The following RPS6KA1 variants were observed in gnomAD, a reference collection of about 807,000 sequenced individuals.
RPS6KA1 encodes ribosomal protein S6 kinase A1, also known as ribosomal protein S6 kinase alpha-1.
RPS6KA1 carries 48 observed loss-of-function variants against 91.3 expected under a neutral mutation model. The observed-to-expected ratio is 0.53, with a 90% CI of 0.42 to 0.67. The LOEUF is 0.67. RPS6KA1 is among the 30% of genes least tolerant of loss of function. The pLI, the probability that RPS6KA1 is intolerant of heterozygous loss-of-function variation, is 0.00. For synonymous variants in RPS6KA1, 359 were observed against 384.7 expected (o/e 0.93, Z 0.78); for missense variants, 719 against 960.5 (o/e 0.75, Z 3.32).
chr1:26,556,277 A>G (rs934186527), intron 11 of RPS6KA1: 7 of 275,302 alleles, frequency 2.5e-5, no homozygotes, highest in Admixed American at 4.7e-5. Context: ...AGCCTGTCCT[A>G]TGGTTGAAAA....
chr1:26,538,923 T>C (rs2075926272), intron 2 of RPS6KA1, among the ~76,000 whole-genome samples: 1 of 152,188 alleles, frequency 6.6e-6, no homozygotes. Flanking sequence ...CTTTGTGCAG[T>C]GGAATGAGCT....
intron 1 of RPS6KA1, among the ~76,000 whole-genome samples, chr1:26,534,068 G>A (rs555213181): frequency 6.6e-6 from 1 of 152,274 alleles, no homozygotes; most frequent in South Asian, 2.1e-4. Context: ...CCAGGCCACT[G>A]CTCAAGAAAC....
rs1329771254 is a variant in RPS6KA1, at chr1:26,551,794, C to T, written c.468+71C>T. The T allele has an allele frequency of 7.5e-7, 1 of 1,336,806 alleles. No individual in the cohort carries two copies. 82.8% of individuals were successfully genotyped at this position (1,336,806 alleles called of 1,614,324 possible). A position where few individuals can be genotyped will look rare whatever the true frequency, so the allele number is the denominator to read the frequency against. ...GACGACAAGTCCTCCCATCCCAGGG[C>T]CCTGTACAGAATGTGTTTGGTATGG... On this transcript the variant is annotated intron_variant, in intron 6 of 21. Coordinates refer to ENST00000374168, the MANE Select transcript of RPS6KA1 (RefSeq NM_002953.4). This position sits in a 1 kb window ranked among gnomAD's most constrained non-coding sequence, Gnocchi z 4.5.
intron 2 of RPS6KA1, among the ~76,000 whole-genome samples, chr1:26,537,835 A>G (rs2075917520): frequency 6.6e-6 from 1 of 152,198 alleles, no homozygotes; most frequent in Non-Finnish European, 1.5e-5. Context: ...CCTGAGCTGT[A>G]AGTTGGGGAA....
Position 26,574,563 on chromosome 1 carries a change from T to C in RPS6KA1, c.*362T>C. The C allele has an allele frequency of 2.3e-6, 1 of 427,842 alleles. No individual in the cohort carries two copies. Among genetic ancestry groups the C allele is most frequent in the South Asian group, 1.8e-5 (1 of 56,702 alleles). 26.5% of individuals were successfully genotyped at this position (427,842 alleles called of 1,614,324 possible). A position where few individuals can be genotyped will look rare whatever the true frequency, so the allele number is the denominator to read the frequency against. ...CACGCTGGGGCTCTCTGAGACTCTT[T>C]AGAGCAGCTTTGGGATCCCACCCTG... is the stretch of plus-strand genomic sequence containing the variant. On this transcript the variant is annotated 3_prime_UTR_variant, in exon 22 of 22. Coordinates refer to ENST00000374168, the MANE Select transcript of RPS6KA1 (RefSeq NM_002953.4). The surrounding 1 kb of genome is among the most constrained non-coding windows in gnomAD (Gnocchi z 4.3).
chr1:26,547,801 G>C lies in RPS6KA1; in HGVS notation c.307+531G>C, dbSNP rs2076008685. On this transcript the variant is annotated intron_variant, in intron 4 of 21. Coordinates refer to ENST00000374168, the MANE Select transcript of RPS6KA1 (RefSeq NM_002953.4). This position sits in a 1 kb window ranked among gnomAD's most constrained non-coding sequence, Gnocchi z 4.1. ...GTGAAGATGGTTGGTAGTGGGCTTT[G>C]GGTTGGATACTGACCACTTGGCCTG... 6.6e-6 allele frequency among the ~76,000 whole-genome samples: 1 copy of C among 152,206 alleles called. No homozygotes were observed. The highest frequency in any genetic ancestry group is 2.1e-4 in the South Asian group (1 of 4,830).
rs527765515 is a variant in RPS6KA1 at position 26,551,654 on chromosome 1, C to T, written c.399C>T (p.Thr133=). 6.8e-5 allele frequency: 109 copies of T among 1,614,098 alleles called. No individual in the cohort carries two copies. Among genetic ancestry groups the T allele is most frequent in the Non-Finnish European group, 8.5e-5 (100 of 1,179,960 alleles). The change falls in exon 6 of 22, where the codon ACC becomes ACT. Residue 133 remains threonine (T), a synonymous_variant. Transcript: ENST00000374168. The surrounding 1 kb of genome is among the most constrained non-coding windows in gnomAD (Gnocchi z 4.5). Reference sequence around the variant, plus strand: ...TCTCCCTCTTCCCAGCCTTCCAGACCGAGGGCAAGCTCTATCTCATTCTGG... The same window carrying T: ...TCTCCCTCTTCCCAGCCTTCCAGACTGAGGGCAAGCTCTATCTCATTCTGG... The part of the protein sequence containing the change: ...FVVKLHYAFQ[T]EGKLYLILDF...
Position 26,557,015 on chromosome 1 carries a change from G to T in RPS6KA1, c.999G>T (p.Glu333Asp). 1 of 1,614,128 alleles carries T rather than the reference G, an allele frequency of 6.2e-7. No individual in the cohort carries two copies. Residue 333 changes from glutamate (E) to aspartate (D), a missense_variant, in exon 13 of 22, where the codon GAG becomes GAT. Glu to Asp is a conservative substitution (Grantham distance 45). Around this residue, in one of 5 missense-constraint regions of RPS6KA1, gnomAD observed 228 missense variants for 247.6 expected, o/e 0.92. Coordinates refer to ENST00000374168, the MANE Select transcript of RPS6KA1 (RefSeq NM_002953.4). ...CTGTGCAGAAGCTATACCGTCGTGA[G>T]ATCAAGCCACCCTTCAAGCCAGCAG... ...TIDWNKLYRREIKPPFKPAVA... is the reference protein window; with the variant it reads ...TIDWNKLYRRDIKPPFKPAVA...
intron 1 of RPS6KA1, among the ~76,000 whole-genome samples, chr1:26,533,678 C>T (rs1195015560): frequency 6.6e-6 from 1 of 152,074 alleles, no homozygotes. Context: ...TGCACTCCAG[C>T]CTGGGCAAAA....
In RPS6KA1 at chr1:26,558,650, T is replaced by C. The variant is rs1325210329; in HGVS notation, c.1085-157T>C. 6.6e-6 allele frequency among the ~76,000 whole-genome samples: 1 copy of C among 152,222 alleles called. No individual in the cohort carries two copies. Among genetic ancestry groups the C allele is most frequent in the Non-Finnish European group, 1.5e-5 (1 of 68,026 alleles). ...TGGTCTAATAAACACATATGAGCAG[T>C]TGGGCCAAGGCCTGTGATGGACAGG... On this transcript the variant is annotated intron_variant, in intron 13 of 21. Transcript: ENST00000374168. The surrounding 1 kb of genome is among the most constrained non-coding windows in gnomAD (Gnocchi z 4.0).
chr1:26,544,651 T>C (rs2075976586), intron 2 of RPS6KA1, among the ~76,000 whole-genome samples: 1 of 152,144 alleles, frequency 6.6e-6, no homozygotes. Flanking sequence ...ATTTTTTGTA[T>C]TTTTAGTAGA....
intron 4 of RPS6KA1, among the ~76,000 whole-genome samples, chr1:26,550,435 G>C (rs1398347118): frequency 6.6e-6 from 1 of 151,674 alleles, no homozygotes; most frequent in Non-Finnish European, 1.5e-5. Flanking sequence ...GCCTGCCTCG[G>C]CCTCCCAAAG....
chr1:26,556,705 C>A lies in RPS6KA1; in HGVS notation c.968C>A (p.Thr323Asn), dbSNP rs2076104758. The A allele has an allele frequency of 4.3e-6, 7 of 1,614,196 alleles. No homozygotes were observed. Among genetic ancestry groups the A allele is most frequent in the Non-Finnish European group, 5.9e-6 (7 of 1,180,032 alleles). The change falls in exon 12 of 22, where the codon ACC (threonine) becomes AAC (asparagine). Residue 323 changes from threonine (T) to asparagine (N), a missense_variant. Thr to Asn is a moderately conservative substitution (Grantham distance 65). Coordinates refer to ENST00000374168, the MANE Select transcript of RPS6KA1 (RefSeq NM_002953.4). ...EEIKRHVFYS[T>N]IDWNKLYRRE... ...ATCAAGCGGCATGTCTTCTACTCCA[C>A]CATTGACTGGAATGTGAGTGTGTCC... is the stretch of plus-strand genomic sequence containing the variant.
In RPS6KA1 at chr1:26,574,930, C is replaced by T. The variant is rs376910879; in HGVS notation, c.*729C>T. On this transcript the variant is annotated 3_prime_UTR_variant, in exon 22 of 22. Coordinates refer to ENST00000374168, the MANE Select transcript of RPS6KA1 (RefSeq NM_002953.4). The surrounding 1 kb of genome is among the most constrained non-coding windows in gnomAD (Gnocchi z 4.3). Reference sequence around the variant, plus strand: ...ACAGAGTTCACAGGAGGCCAGTGGGCGGGCCATGAGGGACAGGGTCTTTTT... The same window carrying T: ...ACAGAGTTCACAGGAGGCCAGTGGGTGGGCCATGAGGGACAGGGTCTTTTT... 7.0e-4 allele frequency: 121 copies of T among 172,330 alleles called. 2 individuals carry two copies. In the South Asian group the frequency reaches 0.015, roughly 21 times the overall value. The allele number at this position is 172,330 out of a possible 1,614,324, so 10.7% of individuals were successfully genotyped here.
rs1282843446 is a variant in RPS6KA1 at position 26,574,180 on chromosome 1, G to A, written c.2187G>A (p.Lys729=). Residue 729 remains lysine, a synonymous_variant, in exon 22 of 22, where the codon AAG becomes AAA. Coordinates refer to ENST00000374168, the MANE Select transcript of RPS6KA1 (RefSeq NM_002953.4). The surrounding 1 kb of genome is among the most constrained non-coding windows in gnomAD (Gnocchi z 4.3). ...SSILAQRRVR[K]LPSTTL is the part of the protein sequence containing the mutation. ...TCCTGGCCCAGCGGCGAGTGAGGAA[G>A]TTGCCATCCACCACCCTGTGAGGCA... 6.2e-7 allele frequency: 1 copy of A among 1,614,154 alleles called. No homozygotes were observed. The highest frequency in any genetic ancestry group is 1.1e-5 in the South Asian group (1 of 91,080).
rs2076151505 is a variant in RPS6KA1 at position 26,561,169 on chromosome 1, AG to A, written c.1431+37del. 6.5e-7 allele frequency: 1 copy of A among 1,548,546 alleles called. No individual in the cohort carries two copies. On this transcript the variant is annotated intron_variant, in intron 16 of 21. Coordinates refer to ENST00000374168, the MANE Select transcript of RPS6KA1 (RefSeq NM_002953.4). The surrounding 1 kb of genome is among the most constrained non-coding windows in gnomAD (Gnocchi z 5.7). ...GGTCCTTAAGACTGGGGTGGGGACC[AG>A]GAACTCAACTCTCAGGATTTGTCTC...
At chr1:26,545,854 C>G in intron 2 of RPS6KA1, 1 of 1,529,422 alleles carries the variant, frequency 6.5e-7, no homozygotes, top group Non-Finnish European at 8.8e-7. Context: ...TGCGGCAGCC[C>G]CGGACTCTGC....
At chr1:26,531,708 A>G (rs2075868828) in intron 1 of RPS6KA1, among the ~76,000 whole-genome samples, 1 of 152,046 alleles carries the variant, frequency 6.6e-6, no homozygotes, top group Non-Finnish European at 1.5e-5. Context: ...TCCAGAAACG[A>G]TGTGTGATCC....
chr1:26,543,464 T>A (rs922703476), intron 2 of RPS6KA1, among the ~76,000 whole-genome samples: 1 of 152,182 alleles, frequency 6.6e-6, no homozygotes, highest in Non-Finnish European at 1.5e-5. Context: ...TTTCTGCCTG[T>A]CCCGCCAGGA....
Sources: allele counts gnomAD v4.1 joint callset (sites outside exome capture counted in the v4.1 genomes callset), GRCh38; gene constraint gnomAD v4.1.1; regional missense constraint gnomAD v4.1.1; non-coding constraint Gnocchi (gnomAD v3.1); transcripts MANE v1.5; gene names NCBI Gene and HGNC (gene_info 2026-07-23, HGNC 2026-07-21).